GRM8: variants seen among roughly 807,000 people sequenced by gnomAD.
The protein encoded by GRM8 is glutamate metabotropic receptor 8.
A neutral mutation model predicts 87.2 loss-of-function variants in GRM8; 47 were observed. That is an observed-to-expected ratio of 0.54 (90% CI 0.43 to 0.69). The LOEUF is 0.69. GRM8 is among the 30% of genes least tolerant of loss of function. The probability of loss-of-function intolerance (pLI) is 0.00; values close to 1 mark genes in which losing one functional copy is unlikely to be tolerated. For synonymous variants in GRM8, 396 were observed against 404.5 expected, an observed-to-expected ratio of 0.98 and a Z score of 0.25; for missense variants, 1,019 against 1,139.2, an observed-to-expected ratio of 0.89 and a Z score of 1.52.
intron 6 of GRM8, among the ~76,000 whole-genome samples, chr7:126,842,990 G>T (rs1796409159): frequency 6.6e-6 from 1 of 152,076 alleles, no homozygotes; most frequent in South Asian, 2.1e-4. Context: ...AGGGGAATTG[G>T]AAGGAAAAAA....
chr7:127,023,547 A>G (rs1207612182), intron 3 of GRM8, among the ~76,000 whole-genome samples: 1 of 152,146 alleles, frequency 6.6e-6, no homozygotes, highest in African/African-American at 2.4e-5. Flanking sequence ...TTGTCTCCAA[A>G]TACTCACAAC....
chr7:126,709,190 T>G lies in GRM8; in HGVS notation c.1357+60675A>C, dbSNP rs58768465. On this transcript the variant is annotated intron_variant, in intron 7 of 10. Coordinates refer to ENST00000339582, the MANE Select transcript of GRM8 (RefSeq NM_000845.3). Reference sequence around the variant, plus strand: ...CAGGTACATGAAAAGATGCTCAACATTAATAATCATTAGAGAAATGCAAAT... The same window carrying G: ...CAGGTACATGAAAAGATGCTCAACAGTAATAATCATTAGAGAAATGCAAAT... 3.0e-3 allele frequency among the ~76,000 whole-genome samples: 452 copies of G among 152,246 alleles called. 3 individuals carry two copies. Among genetic ancestry groups the G allele is most frequent in the African/African-American group, 9.8e-3 (408 of 41,562 alleles).
At chr7:127,215,918 G>A (rs562538337) in intron 2 of GRM8, among the ~76,000 whole-genome samples, 1 of 152,284 alleles carries the variant, frequency 6.6e-6, no homozygotes, top group South Asian at 2.1e-4. Context: ...CAGAGGTGAG[G>A]TGAGGTGTCA....
intron 2 of GRM8, among the ~76,000 whole-genome samples, chr7:127,211,205 C>T (rs765467105): frequency 1.3e-5 from 2 of 152,186 alleles, no homozygotes; most frequent in African/African-American, 2.4e-5. Context: ...AGTCCCAAAA[C>T]CTCAAAAGTA....
intron 2 of GRM8, among the ~76,000 whole-genome samples, chr7:127,140,543 C>T (rs1828207121): frequency 6.6e-6 from 1 of 152,164 alleles, no homozygotes; most frequent in Admixed American, 6.5e-5. Context: ...AAGTGCTCTG[C>T]CCTTCTCATT....
chr7:127,104,040 A>G (rs1825581285), intron 3 of GRM8, among the ~76,000 whole-genome samples: 1 of 152,144 alleles, frequency 6.6e-6, no homozygotes, highest in South Asian at 2.1e-4. Context: ...CACTAACCCA[A>G]TTTTCATTTC....
At chr7:126,915,109 C>T (rs2188193) in intron 3 of GRM8, among the ~76,000 whole-genome samples, 6 of 152,102 alleles carry the variant, frequency 3.9e-5, no homozygotes, top group Non-Finnish European at 7.4e-5. Context: ...AACTCACCAC[C>T]GATCTGGAGG....
intron 6 of GRM8, among the ~76,000 whole-genome samples, chr7:126,794,334 C>A (rs1821721083): frequency 6.6e-6 from 1 of 152,076 alleles, no homozygotes; most frequent in East Asian, 1.9e-4. Context: ...TGGCAATTCC[C>A]AGGTTTAGTG....
At chr7:126,583,992 G>A (rs960083502) in intron 8 of GRM8, among the ~76,000 whole-genome samples, 5 of 152,090 alleles carry the variant, frequency 3.3e-5, no homozygotes, top group African/African-American at 1.2e-4. Context: ...CAAACTCAAT[G>A]TTGTCTTATT....
At chr7:126,542,938 A>G (rs567961237) in intron 8 of GRM8, among the ~76,000 whole-genome samples, 4 of 152,352 alleles carry the variant, frequency 2.6e-5, no homozygotes, top group African/African-American at 7.2e-5. Flanking sequence ...GAGATACAGT[A>G]AAGACAACAG....
chr7:127,028,936 A>G (rs1295802481), intron 3 of GRM8, among the ~76,000 whole-genome samples: 1 of 151,972 alleles, frequency 6.6e-6, no homozygotes, highest in Admixed American at 6.6e-5. Flanking sequence ...TTAGGGTGTC[A>G]ATTTTAGATC....
At chr7:126,681,800 C>T (rs1358531350) in intron 7 of GRM8, among the ~76,000 whole-genome samples, 2 of 152,212 alleles carry the variant, frequency 1.3e-5, no homozygotes, top group Non-Finnish European at 2.9e-5. Flanking sequence ...TCTCTAAACA[C>T]ATACTTTTAA....
intron 6 of GRM8, among the ~76,000 whole-genome samples, chr7:126,827,604 G>C (rs1260156882): frequency 2.0e-5 from 3 of 152,160 alleles, no homozygotes; most frequent in Non-Finnish European, 4.4e-5. Flanking sequence ...TCAGCTTAAG[G>C]AGATTTTGGG....
intron 9 of GRM8, among the ~76,000 whole-genome samples, chr7:126,452,216 T>C (rs1249354350): frequency 7.1e-6 from 1 of 140,196 alleles, no homozygotes; most frequent in Non-Finnish European, 1.5e-5. Flanking sequence ...TTCTCACTCA[T>C]AGGTGGGAAT....
intron 2 of GRM8, among the ~76,000 whole-genome samples, chr7:127,164,662 C>T (rs1206547248): frequency 1.3e-5 from 2 of 152,124 alleles, no homozygotes; most frequent in Non-Finnish European, 2.9e-5. Context: ...TTATAAAAAC[C>T]TCTTTCATAG....
At position 127,115,673 on chromosome 7, in the gene GRM8, C is replaced by T. The variant is rs567262845; in HGVS notation, c.511-8961G>A. 7.9e-5 allele frequency among the ~76,000 whole-genome samples: 12 copies of T among 152,008 alleles called. No homozygotes were observed. In the South Asian group the frequency reaches 2.1e-3, roughly 26 times the overall value. ...AATAAACCTTTTTTTTTTACATCTG[C>T]TAATTACATTTTACAATAAGAAAGC... On this transcript the variant is annotated intron_variant, in intron 2 of 10. Transcript: ENST00000339582.
chr7:127,005,471 G>A (rs933987877), intron 3 of GRM8, among the ~76,000 whole-genome samples: 2 of 151,602 alleles, frequency 1.3e-5, no homozygotes, highest in Non-Finnish European at 3.0e-5. Context: ...GCTAATTGAT[G>A]GTTATGATAT....
intron 3 of GRM8, among the ~76,000 whole-genome samples, chr7:127,038,792 G>A (rs1174472851): frequency 1.3e-5 from 2 of 152,114 alleles, no homozygotes; most frequent in African/African-American, 4.8e-5. Flanking sequence ...TATCTTCTTG[G>A]TTTGAACCTA....
chr7:126,644,465 G>A (rs1471892019), intron 7 of GRM8, among the ~76,000 whole-genome samples: 2 of 152,086 alleles, frequency 1.3e-5, no homozygotes, highest in Admixed American at 6.5e-5. Flanking sequence ...CATCCCCAAG[G>A]ACAGAAGTCA....
Sources: allele counts gnomAD v4.1 joint callset (sites outside exome capture counted in the v4.1 genomes callset), GRCh38; gene constraint gnomAD v4.1.1; transcripts MANE v1.5; gene names NCBI Gene and HGNC (gene_info 2026-07-23, HGNC 2026-07-21).